Variants in ZFYVE26 observed in about 807,000 individuals in gnomAD.
ZFYVE26 encodes zinc finger FYVE domain-containing protein 26.
In ZFYVE26, 181 loss-of-function variants were observed where a neutral mutation model predicts 276.5. That is an observed-to-expected ratio of 0.65 (90% CI 0.58 to 0.74). The LOEUF (loss-of-function observed/expected upper bound fraction) is 0.74, where lower values mean the gene tolerates loss of function less well. Ranked by LOEUF, ZFYVE26 falls within the 30% of genes least tolerant of loss-of-function variation. The pLI, the probability that ZFYVE26 is intolerant of heterozygous loss-of-function variation, is 0.00. For missense variants in ZFYVE26, 2,821 were observed against 3,097.9 expected, an observed-to-expected ratio of 0.91 and a Z score of 2.12; for synonymous variants, 1,129 against 1,203.1, an observed-to-expected ratio of 0.94 and a Z score of 1.27.
Position 67,807,558 on chromosome 14 carries a change from T to C in ZFYVE26, c.726A>G (p.Glu242=), listed in dbSNP as rs779486028. Residue 242 remains glutamate (E), a synonymous_variant, in exon 5 of 42, where the codon GAA becomes GAG. Transcript: ENST00000347230. The part of the protein sequence containing the change: ...LGVELHLLCE[E]LLEACRTEGS... ...CCTCGGTCCTGCAGGCCTCTAGTAG[T>C]TCCTCACACAGGAGATGCAACTCAA... 4 of 1,614,072 alleles carry C rather than the reference T, an allele frequency of 2.5e-6. No individual in the cohort carries two copies. The South Asian group carries it at 4.4e-5, about 18-fold the overall frequency.
chr14:67,748,736 G>T, intron 41 of ZFYVE26, 97 bp from the exon 42 acceptor site: 1 of 1,244,766 alleles, frequency 8.0e-7, no homozygotes, highest in Non-Finnish European at 1.2e-6. Flanking sequence ...CAGACACCAT[G>T]TCTCACCTGC....
At chr14:67,735,579 C>T (rs2038342947) in intron 13 of ZFYVE26, among the ~76,000 whole-genome samples, 2 of 152,210 alleles carry the variant, frequency 1.3e-5, no homozygotes, top group Non-Finnish European at 1.5e-5. Flanking sequence ...ATATGGCTTC[C>T]TGCCTTGGCA....
chr14:67,749,320 C>T (rs2038573781), intron 41 of ZFYVE26, among the ~76,000 whole-genome samples: 1 of 152,168 alleles, frequency 6.6e-6, no homozygotes, highest in Non-Finnish European at 1.5e-5. Flanking sequence ...GAATTAACGT[C>T]TAACCCCACT....
chr14:67,787,884 T>C (rs933815631), intron 16 of ZFYVE26, among the ~76,000 whole-genome samples: 1 of 152,230 alleles, frequency 6.6e-6, no homozygotes, highest in Non-Finnish European at 1.5e-5. Flanking sequence ...TTAGAACATC[T>C]GCTTGCAAGG....
chr14:67,768,512 C>T lies in ZFYVE26; in HGVS notation c.5653+5G>A. On this transcript the variant is annotated splice_donor_5th_base_variant and intron_variant, in intron 30 of 41. Transcript: ENST00000347230. ...AGAGTCACAGAGAACGGGATTTGGC[C>T]TTACCTTCTGGTTTTTCTGAAGGCT... 2 of 1,614,088 alleles carry T rather than the reference C, an allele frequency of 1.2e-6. No individual in the cohort carries two copies. The highest frequency in any genetic ancestry group is 1.7e-6 in the Non-Finnish European group (2 of 1,179,974).
intron 40 of ZFYVE26, 77 bp from the exon 41 acceptor site, chr14:67,751,173 G>GC: frequency 6.5e-7 from 1 of 1,534,178 alleles, no homozygotes; most frequent in African/African-American, 1.4e-5. Context: ...CCCAGCCTCA[G>GC]CCCAGCCATT....
intron 2 of ZFYVE26, among the ~76,000 whole-genome samples, chr14:67,814,506 A>C (rs1195592556): frequency 6.7e-6 from 1 of 150,088 alleles, no homozygotes; most frequent in African/African-American, 2.5e-5. Context: ...GTGACAGAGC[A>C]AGACTCTGTC....
intron 12 of ZFYVE26, chr14:67,797,284 A>T (rs948709366): frequency 9.7e-6 from 3 of 308,452 alleles, no homozygotes; most frequent in African/African-American, 4.3e-5. Flanking sequence ...ATGGTAAACA[A>T]CTGGAAACTT....
chr14:67,733,981 GACCCTTCTGGGAATGTTTGC>G, intron 13 of ZFYVE26: 2 of 667,702 alleles, frequency 3.0e-6, no homozygotes, highest in Non-Finnish European at 5.5e-6. Flanking sequence ...TGATCCTCTT[GACCCTTCTGGGAATGTTTGC>G]ACACCTGACA....
Position 67,808,469 on chromosome 14 carries a change from C to A in ZFYVE26, c.364-549G>T, listed in dbSNP as rs1594939407. 2.0e-5 allele frequency among the ~76,000 whole-genome samples: 3 copies of A among 152,184 alleles called. No individual in the cohort carries two copies. The East Asian group carries it at 5.8e-4, about 29-fold the overall frequency. On this transcript the variant is annotated intron_variant, in intron 4 of 41. Coordinates refer to ENST00000347230, the MANE Select transcript of ZFYVE26 (RefSeq NM_015346.4). ...AAAATTAGTACCATATGATTTAATA[C>A]ATAATAGTGTGTGTTTTAGTCCTTC...
Position 67,804,243 on chromosome 14 carries a change from A to T in ZFYVE26, c.1293T>A (p.Asp431Glu), listed in dbSNP as rs747236724. ...CTCCACCGTGTAAATGATACAACAG[A>T]TCTCTCTTTGGTATGGGGTTGCTGA... ...QQSSNPIPKR[D>E]LLYHLHGGDS... The change falls in exon 9 of 42, where the codon GAT (aspartate) becomes GAA (glutamate). Residue 431 changes from aspartate (D) to glutamate (E), a missense_variant. Coordinates refer to ENST00000347230, the MANE Select transcript of ZFYVE26 (RefSeq NM_015346.4). 7 of 1,614,094 alleles carry T rather than the reference A, an allele frequency of 4.3e-6. No homozygotes were observed. In the African/African-American group the frequency reaches 6.7e-5, roughly 15 times the overall value.
chr14:67,771,979 C>G, intron 28 of ZFYVE26, 68 bp downstream of exon 28: 1 of 1,575,490 alleles, frequency 6.3e-7, no homozygotes, highest in Non-Finnish European at 8.6e-7. Flanking sequence ...ATTGTAAACT[C>G]AGGCTCATGA....
chr14:67,757,662 CTTTCTTTCTTTCTTTCTT>C, intron 35 of ZFYVE26, among the ~76,000 whole-genome samples: 1 of 145,598 alleles, frequency 6.9e-6, no homozygotes, highest in Non-Finnish European at 1.5e-5. Flanking sequence ...TTCTTTCTTT[CTTTCTTTCTTTCTTTCTT>C]TCTCTCTCTC....
At chr14:67,751,168 C>A in intron 40 of ZFYVE26, 72 bp from the exon 41 acceptor site, 1 of 1,560,952 alleles carries the variant, frequency 6.4e-7, no homozygotes, top group South Asian at 1.1e-5. Flanking sequence ...CCCAACCCAG[C>A]CTCAGCCCAG....
intron 33 of ZFYVE26, 63 bp from the exon 34 acceptor site, chr14:67,762,475 A>G (rs1566868621): frequency 6.4e-7 from 1 of 1,562,176 alleles, no homozygotes; most frequent in Non-Finnish European, 8.7e-7. Flanking sequence ...TGTCCCAAAG[A>G]CCTATTCTAT....
intron 16 of ZFYVE26, among the ~76,000 whole-genome samples, chr14:67,787,808 C>G (rs555136142): frequency 6.6e-6 from 1 of 152,330 alleles, no homozygotes; most frequent in Non-Finnish European, 1.5e-5. Context: ...TTTTAACCAA[C>G]AGCTCAGAGG....
At chr14:67,769,989 G>A in intron 28 of ZFYVE26, 3 of 518,236 alleles carry the variant, frequency 5.8e-6, no homozygotes, top group South Asian at 4.2e-5. Flanking sequence ...GTGTATGGAG[G>A]CAACATGTGG....
chr14:67,758,663 T>G (rs2038850443), intron 35 of ZFYVE26, among the ~76,000 whole-genome samples: 1 of 151,700 alleles, frequency 6.6e-6, no homozygotes, highest in Non-Finnish European at 1.5e-5. Context: ...TGAGATGGAG[T>G]CTTACTCTGT....
intron 26 of ZFYVE26, among the ~76,000 whole-genome samples, chr14:67,775,331 G>A (rs1423664045): frequency 6.6e-6 from 1 of 152,162 alleles, no homozygotes; most frequent in Admixed American, 6.5e-5. Flanking sequence ...GTGAGATAAT[G>A]AAATGGACAC....
Sources: allele counts gnomAD v4.1 joint callset (sites outside exome capture counted in the v4.1 genomes callset), GRCh38; gene constraint gnomAD v4.1.1; transcripts MANE v1.5; gene names NCBI Gene and HGNC (gene_info 2026-07-23, HGNC 2026-07-21).